The following DPYD variants were observed in gnomAD, a reference collection of about 807,000 sequenced individuals.
DPYD encodes the protein dihydropyrimidine dehydrogenase [NADP(+)].
A neutral mutation model predicts 116.2 loss-of-function variants in DPYD; 109 were observed. The observed-to-expected ratio is 0.94, with a 90% confidence interval of 0.80 to 1.10. DPYD has a LOEUF of 1.10. DPYD is among the 50% of genes least tolerant of loss of function. DPYD has a pLI of 0.00. For synonymous variants in DPYD, 440 were observed against 432.0 expected (o/e 1.02, Z -0.23); for missense variants, 1,302 against 1,254.5 (o/e 1.04, Z -0.57).
chr1:97,418,416 T>C (rs1341097554), intron 14 of DPYD, among the ~76,000 whole-genome samples: 1 of 151,920 alleles, frequency 6.6e-6, no homozygotes, highest in East Asian at 1.9e-4. Context: ...TTCTCCTGCG[T>C]CAGCCTCCCG....
At chr1:97,670,562 T>G (rs1659807174) in intron 8 of DPYD, among the ~76,000 whole-genome samples, 1 of 152,192 alleles carries the variant, frequency 6.6e-6, no homozygotes. Flanking sequence ...CATTCTGATC[T>G]CAGACTTCTA....
intron 4 of DPYD, 137 bp from the exon 5 acceptor site, chr1:97,721,808 C>CA: frequency 1.3e-6 from 1 of 785,702 alleles, no homozygotes; most frequent in Non-Finnish European, 2.0e-6. Flanking sequence ...GGTTTCAATA[C>CA]TACTATCAGG....
intron 2 of DPYD, among the ~76,000 whole-genome samples, chr1:97,835,367 T>C (rs190012177): frequency 1.8e-4 from 27 of 152,240 alleles, no homozygotes; most frequent in African/African-American, 4.6e-4. Context: ...TGTGAAAATA[T>C]ATACATTGTT....
chr1:97,706,744 T>C (rs1661978568), intron 5 of DPYD, among the ~76,000 whole-genome samples: 1 of 152,130 alleles, frequency 6.6e-6, no homozygotes, highest in Admixed American at 6.6e-5. Context: ...GTATGTACCA[T>C]AGTTTATTTA....
intron 20 of DPYD, among the ~76,000 whole-genome samples, chr1:97,114,926 T>A (rs1651859718): frequency 6.6e-6 from 1 of 152,208 alleles, no homozygotes. Context: ...CCATCTCTTA[T>A]GTCAGATGAA....
intron 16 of DPYD, among the ~76,000 whole-genome samples, chr1:97,319,967 G>A (rs1366599189): frequency 1.4e-4 from 19 of 132,906 alleles, no homozygotes; most frequent in East Asian, 2.3e-4. Flanking sequence ...TATAAACAGA[G>A]CCAAAGACAA....
intron 16 of DPYD, among the ~76,000 whole-genome samples, chr1:97,344,595 C>T (rs1570564837): frequency 6.7e-6 from 1 of 148,876 alleles, no homozygotes; most frequent in African/African-American, 2.5e-5. Context: ...ATATATGTCA[C>T]CACACACACA....
chr1:97,463,516 G>A (rs962827418), intron 13 of DPYD, among the ~76,000 whole-genome samples: 1 of 152,168 alleles, frequency 6.6e-6, no homozygotes, highest in African/African-American at 2.4e-5. Flanking sequence ...GTAGAGTGGG[G>A]TGCTGCTGAA....
chr1:97,101,978 C>A (rs72724374), intron 20 of DPYD, among the ~76,000 whole-genome samples: 33,007 of 151,724 alleles, frequency 0.22, 4,380 homozygotes, highest in Middle Eastern at 0.39. Flanking sequence ...CTGTCTCTAT[C>A]CAGATATAAA....
At chr1:97,629,359 T>C (rs1657117866) in intron 8 of DPYD, among the ~76,000 whole-genome samples, 1 of 151,968 alleles carries the variant, frequency 6.6e-6, no homozygotes, top group Non-Finnish European at 1.5e-5. Context: ...ATAAAGCATG[T>C]GTTAAAAAGT....
At chr1:97,343,086 A>G (rs970213351) in intron 16 of DPYD, among the ~76,000 whole-genome samples, 2 of 152,188 alleles carry the variant, frequency 1.3e-5, no homozygotes, top group African/African-American at 4.8e-5. Context: ...TTAATGTTAT[A>G]AAAGTCTTTT....
At chr1:97,142,241 G>A (rs1037199980) in intron 20 of DPYD, among the ~76,000 whole-genome samples, 3 of 152,118 alleles carry the variant, frequency 2.0e-5, no homozygotes, top group Non-Finnish European at 4.4e-5. Context: ...TAATCATATT[G>A]TACATTAGGG....
At chr1:97,178,709 C>T (rs971860074) in intron 20 of DPYD, among the ~76,000 whole-genome samples, 3 of 152,138 alleles carry the variant, frequency 2.0e-5, no homozygotes, top group African/African-American at 7.2e-5. Flanking sequence ...AAAGAGCCAG[C>T]TACCCCTTTG....
chr1:97,319,303 T>A (rs1025892917), intron 16 of DPYD, among the ~76,000 whole-genome samples: 8 of 151,124 alleles, frequency 5.3e-5, no homozygotes, highest in African/African-American at 2.0e-4. Flanking sequence ...GCTGGTTTTC[T>A]GAAAGGATCA....
intron 11 of DPYD, among the ~76,000 whole-genome samples, chr1:97,556,235 T>G (rs1651694411): frequency 6.6e-6 from 1 of 152,228 alleles, no homozygotes; most frequent in South Asian, 2.1e-4. Context: ...ATGAAAGTCT[T>G]TTAGCCTGGC....
chr1:97,607,370 A>C (rs2100739215), intron 8 of DPYD, among the ~76,000 whole-genome samples: 1 of 151,880 alleles, frequency 6.6e-6, no homozygotes, highest in East Asian at 1.9e-4. Context: ...CTTCTACTGC[A>C]CTGTGATTCA....
chr1:97,374,977 T>A (rs1320983522), intron 15 of DPYD, among the ~76,000 whole-genome samples: 1 of 136,696 alleles, frequency 7.3e-6, no homozygotes, highest in Non-Finnish European at 1.5e-5. Flanking sequence ...GGCAGTGAGC[T>A]GAGACCATGC....
chr1:97,694,134 T>C (rs899705074), intron 6 of DPYD, among the ~76,000 whole-genome samples: 4 of 152,142 alleles, frequency 2.6e-5, no homozygotes, highest in African/African-American at 9.7e-5. Context: ...CTGGAACCAT[T>C]GTCACCAACA....
intron 1 of DPYD, among the ~76,000 whole-genome samples, chr1:97,913,748 G>A (rs1674080306): frequency 6.6e-6 from 1 of 152,028 alleles, no homozygotes; most frequent in Admixed American, 6.6e-5. Flanking sequence ...TGAGTTGTAA[G>A]TTGGAGGATA....
Sources: allele counts gnomAD v4.1 joint callset (sites outside exome capture counted in the v4.1 genomes callset), GRCh38; gene constraint gnomAD v4.1.1; transcripts MANE v1.5; gene names NCBI Gene and HGNC (gene_info 2026-07-23, HGNC 2026-07-21).